Variants in PCDHA9 observed in about 807,000 individuals in gnomAD.
The protein encoded by PCDHA9 is protocadherin alpha 9, also known as protocadherin alpha-9.
In PCDHA9, 62 loss-of-function variants were observed where a neutral mutation model predicts 62.0. The observed-to-expected ratio is 1.00, with a 90% confidence interval of 0.81 to 1.23. PCDHA9 has a LOEUF of 1.23. Ranked by LOEUF, PCDHA9 falls within the 50% of genes most tolerant of loss-of-function variation. PCDHA9 has a pLI of 0.00. For synonymous variants in PCDHA9, 557 were observed against 567.6 expected, an observed-to-expected ratio of 0.98 and a Z score of 0.27; for missense variants, 1,205 against 1,249.8, an observed-to-expected ratio of 0.96 and a Z score of 0.54.
chr5:140,853,745 C>G lies in PCDHA9; in HGVS notation c.2394+2856C>G. ...TAAGTCCTCATTGAATGTTCTGGTT[C>G]AAGGCTCCACCTCAGAAATTCTGAA... On this transcript the variant is annotated intron_variant, in intron 1 of 3. Transcript: ENST00000532602. 3.0e-6 allele frequency: 3 copies of G among 988,528 alleles called. 1 individual carries two copies. Among genetic ancestry groups the G allele is most frequent in the Non-Finnish European group, 3.7e-6 (3 of 820,460 alleles). The allele number at this position is 988,528 out of a possible 1,614,324, so 61.2% of individuals were successfully genotyped here. A position where few individuals can be genotyped will look rare whatever the true frequency, so the allele number is the denominator to read the frequency against.
chr5:140,983,806 G>T (rs981942088), intron 3 of PCDHA9, among the ~76,000 whole-genome samples: 1 of 152,110 alleles, frequency 6.6e-6, no homozygotes, highest in Non-Finnish European at 1.5e-5. Flanking sequence ...GTGTGTAAAA[G>T]GTTTTTTCCC....
chr5:140,917,710 G>T (rs2078316558), intron 1 of PCDHA9, among the ~76,000 whole-genome samples: 3 of 152,132 alleles, frequency 2.0e-5, no homozygotes. Flanking sequence ...TTGTAGGTGT[G>T]CAGCTTTATT....
intron 1 of PCDHA9, among the ~76,000 whole-genome samples, chr5:140,937,780 C>T (rs1459266022): frequency 3.3e-5 from 5 of 151,656 alleles, no homozygotes; most frequent in African/African-American, 7.3e-5. Flanking sequence ...GGCGTGGTGG[C>T]GGGCGTATGT....
At chr5:140,868,961 A>G in intron 1 of PCDHA9, 1 of 1,418,552 alleles carries the variant, frequency 7.0e-7, no homozygotes, top group Non-Finnish European at 9.5e-7. Context: ...ACTCCCATAC[A>G]AAGGAACTCC....
intron 1 of PCDHA9, chr5:140,861,762 T>G (rs2047066854): frequency 1.1e-5 from 1 of 90,318 alleles, no homozygotes; most frequent in Non-Finnish European, 2.3e-5. Context: ...TATTTTTCCC[T>G]GGAAATACCA....
intron 1 of PCDHA9, chr5:140,928,827 A>G (rs1554206364): frequency 6.2e-7 from 1 of 1,614,130 alleles, no homozygotes. Flanking sequence ...GAGACCCACC[A>G]CTTTCCTCCT....
intron 1 of PCDHA9, among the ~76,000 whole-genome samples, chr5:140,958,318 CA>C (rs2095417948): frequency 6.6e-6 from 1 of 151,816 alleles, no homozygotes; most frequent in Non-Finnish European, 1.5e-5. Flanking sequence ...AATTAGAGCT[CA>C]AAAAATAAAT....
intron 1 of PCDHA9, chr5:140,869,236 G>C (rs781873875): frequency 1.2e-6 from 2 of 1,613,674 alleles, no homozygotes; most frequent in South Asian, 2.2e-5. Flanking sequence ...CGGCACCTTC[G>C]TGGGCCGCAT....
rs1554229569 is a variant in PCDHA9, at chr5:140,967,454, G to A, written c.2395-11495G>A. ...CTTGCACCACCTGGTTCTCACAGCCGTGGATGGGGGCATCCCAGCCCGCTC... is the reference window on the plus strand; with the variant it reads ...CTTGCACCACCTGGTTCTCACAGCCATGGATGGGGGCATCCCAGCCCGCTC... On this transcript the variant is annotated intron_variant, in intron 1 of 3. Transcript: ENST00000532602. 6.2e-7 allele frequency: 1 copy of A among 1,613,614 alleles called. No individual in the cohort carries two copies. Among genetic ancestry groups the A allele is most frequent in the Admixed American group, 1.7e-5 (1 of 60,010 alleles).
chr5:140,887,972 A>C (rs1169769147), intron 1 of PCDHA9, among the ~76,000 whole-genome samples: 1 of 152,114 alleles, frequency 6.6e-6, no homozygotes, highest in Non-Finnish European at 1.5e-5. Context: ...TCTCTTTTAA[A>C]ATTTATTTTA....
intron 1 of PCDHA9, chr5:140,857,619 A>C (rs1554150364): frequency 6.3e-7 from 1 of 1,596,352 alleles, no homozygotes; most frequent in South Asian, 1.1e-5. Flanking sequence ...CCGCTGGACC[A>C]CGAGGAGCTG....
intron 3 of PCDHA9, among the ~76,000 whole-genome samples, chr5:140,999,861 A>G (rs1181249308): frequency 6.6e-6 from 1 of 152,184 alleles, no homozygotes; most frequent in Non-Finnish European, 1.5e-5. Flanking sequence ...TTCCGCTCCA[A>G]GATTACTGAA....
intron 1 of PCDHA9, chr5:140,968,553 G>A (rs782583876): frequency 4.3e-6 from 7 of 1,614,132 alleles, no homozygotes; most frequent in South Asian, 2.2e-5. Context: ...ATGGTGCCTC[G>A]AACTGCCCCT....
Position 140,895,311 on chromosome 5 carries a change from C to T in PCDHA9, c.2394+44422C>T, listed in dbSNP as rs572826090. 2.0e-5 allele frequency among the ~76,000 whole-genome samples: 3 copies of T among 152,252 alleles called. No homozygotes were observed. The South Asian group carries it at 6.2e-4, about 32-fold the overall frequency. On this transcript the variant is annotated intron_variant, in intron 1 of 3. Transcript: ENST00000532602. ...GACCTTCGATTTCCCCCCTTCCACC[C>T]ATGACTATTGTTCTCAAATTGTTTT...
chr5:140,900,416 T>G (rs1303205296), intron 1 of PCDHA9, among the ~76,000 whole-genome samples: 8 of 152,220 alleles, frequency 5.3e-5, no homozygotes, highest in Admixed American at 5.2e-4. Flanking sequence ...TAGCTGGGAT[T>G]ATAGGCACGT....
intron 1 of PCDHA9, chr5:140,882,691 C>G (rs201544181): frequency 1.2e-6 from 2 of 1,614,216 alleles, no homozygotes; most frequent in Admixed American, 1.7e-5. Context: ...AACGAATAAT[C>G]ATTGCAGAAT....
chr5:140,880,747 T>C (rs555658670), intron 1 of PCDHA9, among the ~76,000 whole-genome samples: 16 of 152,334 alleles, frequency 1.1e-4, no homozygotes, highest in African/African-American at 3.8e-4. Context: ...GGATTGTCAG[T>C]GTAACTGCGT....
At chr5:140,909,926 A>G (rs781804027) in intron 1 of PCDHA9, among the ~76,000 whole-genome samples, 4 of 152,190 alleles carry the variant, frequency 2.6e-5, no homozygotes, top group Admixed American at 2.6e-4. Flanking sequence ...CCTTTCCCCA[A>G]TCACAGTTAC....
intron 1 of PCDHA9, chr5:140,869,875 G>C: frequency 1.2e-6 from 2 of 1,610,396 alleles, no homozygotes. Flanking sequence ...TGCTGCTAAA[G>C]AAACTCTTGT....
Sources: gnomAD v4.1 joint callset for allele counts (sites outside exome capture counted in the v4.1 genomes callset) on GRCh38, gnomAD v4.1.1 for gene constraint, MANE v1.5 for transcripts, NCBI Gene and HGNC (gene_info 2026-07-23, HGNC 2026-07-21) for gene names.